The following PTPRM variants were observed in gnomAD, a reference collection of about 807,000 sequenced individuals.
The protein encoded by PTPRM is protein tyrosine phosphatase receptor type M, also known as receptor-type tyrosine-protein phosphatase mu.
In PTPRM, 47 loss-of-function variants were observed where a neutral mutation model predicts 186.7. The observed-to-expected ratio is 0.25, with a 90% CI of 0.20 to 0.32. The LOEUF (loss-of-function observed/expected upper bound fraction) is 0.32. PTPRM is among the 10% of genes least tolerant of loss of function. PTPRM has a pLI of 1.00. For missense variants in PTPRM, 1,494 were observed against 1,865.0 expected (o/e 0.80, Z 3.66); for synonymous variants, 668 against 674.9 (o/e 0.99, Z 0.16).
At chr18:7,691,357 C>T (rs1027272222) in intron 1 of PTPRM, among the ~76,000 whole-genome samples, 1 of 152,104 alleles carries the variant, frequency 6.6e-6, no homozygotes, top group Non-Finnish European at 1.5e-5. Flanking sequence ...TTCTGACTGC[C>T]AGGCATTTGA....
At chr18:7,721,800 CTCTG>C (rs1370511066) in intron 1 of PTPRM, among the ~76,000 whole-genome samples, 1 of 152,148 alleles carries the variant, frequency 6.6e-6, no homozygotes, top group Non-Finnish European at 1.5e-5. Context: ...TGTTTCATTA[CTCTG>C]TCTGTGTTTA....
chr18:7,581,845 A>G (rs937191274), intron 1 of PTPRM, among the ~76,000 whole-genome samples: 3 of 151,868 alleles, frequency 2.0e-5, no homozygotes, highest in African/African-American at 7.3e-5. Context: ...TTTTTTGAAG[A>G]GATGACTTCT....
chr18:7,729,424 G>A (rs747017450), intron 1 of PTPRM, among the ~76,000 whole-genome samples: 34 of 152,076 alleles, frequency 2.2e-4, no homozygotes, highest in Non-Finnish European at 4.9e-4. Context: ...CATGCCTTAG[G>A]CTGGTCTTTG....
intron 14 of PTPRM, 31 bp from the exon 15 acceptor site, chr18:8,244,027 A>G (rs374485246): frequency 6.3e-6 from 10 of 1,593,472 alleles, no homozygotes; most frequent in African/African-American, 4.1e-5. Flanking sequence ...GTTCAAATGC[A>G]TGCCTACATA....
chr18:7,935,999 T>C (rs1366325891), intron 5 of PTPRM, among the ~76,000 whole-genome samples: 1 of 152,200 alleles, frequency 6.6e-6, no homozygotes, highest in Non-Finnish European at 1.5e-5. Flanking sequence ...TTTTATTATA[T>C]TCAGCGGAAG....
chr18:8,310,333 G>C (rs565951995), intron 20 of PTPRM, among the ~76,000 whole-genome samples: 60 of 151,694 alleles, frequency 4.0e-4, no homozygotes, highest in African/African-American at 1.4e-3. Context: ...CTGATGAAAT[G>C]AAGCACGCCC....
intron 32 of PTPRM, among the ~76,000 whole-genome samples, chr18:8,395,364 A>T (rs918324120): frequency 2.0e-5 from 3 of 152,202 alleles, no homozygotes; most frequent in African/African-American, 7.2e-5. Flanking sequence ...ACAGCATCAC[A>T]ACACTGGGGT....
intron 7 of PTPRM, among the ~76,000 whole-genome samples, chr18:7,999,650 C>T (rs1319563976): frequency 6.6e-6 from 1 of 151,688 alleles, no homozygotes; most frequent in African/African-American, 2.4e-5. Flanking sequence ...GCAAAATACA[C>T]AATTTTGCAC....
At chr18:8,330,605 A>G (rs1354294559) in intron 22 of PTPRM, among the ~76,000 whole-genome samples, 1 of 151,968 alleles carries the variant, frequency 6.6e-6, no homozygotes, top group Non-Finnish European at 1.5e-5. Context: ...GACAGAAGGC[A>G]GCCAGATCCT....
chr18:7,589,316 A>G (rs572187215), intron 1 of PTPRM, among the ~76,000 whole-genome samples: 2 of 152,252 alleles, frequency 1.3e-5, no homozygotes, highest in East Asian at 1.9e-4. Context: ...TTTGGCAGCT[A>G]TGAGGTCTGT....
intron 22 of PTPRM, among the ~76,000 whole-genome samples, chr18:8,329,471 T>A (rs2095399243): frequency 6.6e-6 from 1 of 152,218 alleles, no homozygotes; most frequent in Admixed American, 6.5e-5. Context: ...GAAGAAAAAC[T>A]GTGAGGTTAC....
chr18:7,916,106 C>A (rs370122673), intron 4 of PTPRM, among the ~76,000 whole-genome samples: 1 of 152,060 alleles, frequency 6.6e-6, no homozygotes, highest in East Asian at 1.9e-4. Flanking sequence ...AAAGGTGGGA[C>A]GGGGAAAGAG....
intron 22 of PTPRM, among the ~76,000 whole-genome samples, chr18:8,325,724 T>C (rs2148119277): frequency 6.6e-6 from 1 of 152,306 alleles, no homozygotes; most frequent in East Asian, 1.9e-4. Context: ...CAAGTGGTAC[T>C]TCTGTTGTAA....
In PTPRM at chr18:8,055,907, C is replaced by G. The variant is rs937913493; in HGVS notation, c.1133-13779C>G. ...GGCCCATGGCTTAATCTTTGGATGC[C>G]GGTGCTGATATAGACAACTAGAGTT... On this transcript the variant is annotated intron_variant, in intron 7 of 32. Coordinates refer to ENST00000580170, the MANE Select transcript of PTPRM (RefSeq NM_001105244.2). Among the ~76,000 whole-genome samples, 3 of 152,066 alleles carry G rather than the reference C, an allele frequency of 2.0e-5. No individual in the cohort carries two copies. The East Asian group carries it at 5.8e-4, about 29-fold the overall frequency.
At chr18:8,366,478 TAC>T (rs1390945673) in intron 23 of PTPRM, among the ~76,000 whole-genome samples, 2 of 152,220 alleles carry the variant, frequency 1.3e-5, no homozygotes, top group African/African-American at 4.8e-5. Flanking sequence ...CCCTGAAGGT[TAC>T]AGTCATGTGC....
At chr18:7,992,258 G>T (rs2083304751) in intron 7 of PTPRM, among the ~76,000 whole-genome samples, 1 of 151,518 alleles carries the variant, frequency 6.6e-6, no homozygotes, top group African/African-American at 2.4e-5. Flanking sequence ...ATTTTTTTTT[G>T]AACTATCTGC....
intron 7 of PTPRM, among the ~76,000 whole-genome samples, chr18:8,065,511 C>G (rs1209505377): frequency 1.3e-5 from 2 of 152,130 alleles, no homozygotes; most frequent in Non-Finnish European, 2.9e-5. Flanking sequence ...CCATTCTCAT[C>G]TCTTATCATG....
At chr18:8,129,693 G>T (rs943774565) in intron 13 of PTPRM, among the ~76,000 whole-genome samples, 16 of 152,086 alleles carry the variant, frequency 1.1e-4, no homozygotes, top group African/African-American at 3.9e-4. Context: ...AAATATTTAT[G>T]GTTGTGTTCC....
chr18:7,706,802 A>G (rs1426958382), intron 1 of PTPRM, among the ~76,000 whole-genome samples: 3 of 152,006 alleles, frequency 2.0e-5, no homozygotes, highest in Admixed American at 6.6e-5. Flanking sequence ...ACTTAAATAT[A>G]CTATAAATAT....
Sources: allele counts gnomAD v4.1 joint callset (sites outside exome capture counted in the v4.1 genomes callset), GRCh38; gene constraint gnomAD v4.1.1; transcripts MANE v1.5; gene names NCBI Gene and HGNC (gene_info 2026-07-23, HGNC 2026-07-21).